Variants in DDIAS observed in about 807,000 individuals in gnomAD.
DDIAS encodes the protein DNA damage induced apoptosis suppressor.
In DDIAS, 14 loss-of-function variants were observed where a neutral mutation model predicts 15.7. The observed-to-expected ratio is 0.89, with a 90% confidence interval of 0.59 to 1.39. DDIAS has a LOEUF of 1.39. Ranked by LOEUF, DDIAS falls within the 40% of genes most tolerant of loss-of-function variation. The probability of loss-of-function intolerance (pLI) is 0.00; values close to 1 mark genes in which losing one functional copy is unlikely to be tolerated. For synonymous variants in DDIAS, 355 were observed against 395.9 expected (o/e 0.90, Z 1.23); for missense variants, 1,035 against 1,130.9 (o/e 0.92, Z 1.22).
intron 1 of DDIAS, among the ~76,000 whole-genome samples, chr11:82,911,987 G>C (rs568817021): frequency 2.6e-4 from 40 of 152,252 alleles, no homozygotes; most frequent in Non-Finnish European, 4.4e-4. Flanking sequence ...CTGAGCAGTA[G>C]GTCTCAACAG....
chr11:82,907,889 C>G (rs566971034), intron 1 of DDIAS, among the ~76,000 whole-genome samples: 2 of 152,188 alleles, frequency 1.3e-5, no homozygotes, highest in East Asian at 1.9e-4. Context: ...GAGCACTGTT[C>G]TAAGCACTGG....
At chr11:82,914,282 A>C in intron 2 of DDIAS, 1 of 200,648 alleles carries the variant, frequency 5.0e-6, no homozygotes. Context: ...TGTGTTAAGT[A>C]CTTATGTGTG....
Position 82,914,784 on chromosome 11 carries a change from C to T in DDIAS, c.46C>T (p.Gln16Ter), listed in dbSNP as rs779312498. Reference protein sequence around the residue: ...KFLLASVLALQNSSFIYPSCQ... With the variant: ...KFLLASVLAL ...TCTTCTAGCCTCAGTACTTGCTCTC[C>T]AGAATTCAAGTTTTATATATCCATC... Residue 16 changes from glutamine to a stop codon, truncating the protein, a stop_gained, in exon 3 of 6, where the codon CAG becomes TAG. Coordinates refer to ENST00000533655, the MANE Select transcript of DDIAS (RefSeq NM_145018.4). LOFTEE classifies it high-confidence loss of function. 1.9e-6 allele frequency: 3 copies of T among 1,611,622 alleles called. No individual in the cohort carries two copies. Among genetic ancestry groups the T allele is most frequent in the Non-Finnish European group, 2.5e-6 (3 of 1,178,006 alleles).
chr11:82,928,217 G>T (rs1269075170), intron 3 of DDIAS, among the ~76,000 whole-genome samples: 1 of 22,994 alleles, frequency 4.3e-5, no homozygotes, highest in African/African-American at 1.2e-4. Context: ...TTTTTTTTTT[G>T]AGACGGAATG....
In DDIAS at chr11:82,933,835, A is replaced by G. The variant is rs754090605; in HGVS notation, c.2497A>G (p.Lys833Glu). 1 of 1,613,998 alleles carries G rather than the reference A, an allele frequency of 6.2e-7. No homozygotes were observed. Among genetic ancestry groups the G allele is most frequent in the Admixed American group, 1.7e-5 (1 of 59,970 alleles). ...AAAAAATATAAAAACACCTAGCCAG[A>G]AAATCAGAAGCCCTATTGTATCTGG... ...CPKNIKTPSQ[K>E]IRSPIVSGVS... The change falls in exon 6 of 6, where the codon AAA (lysine) becomes GAA (glutamate). Residue 833 changes from lysine to glutamate, a missense_variant. By Grantham distance (56) the Lys-to-Glu change is moderately conservative. Coordinates refer to ENST00000533655, the MANE Select transcript of DDIAS (RefSeq NM_145018.4).
intron 4 of DDIAS, among the ~76,000 whole-genome samples, chr11:82,929,861 T>C (rs573443817): frequency 2.0e-5 from 3 of 152,302 alleles, no homozygotes; most frequent in African/African-American, 7.2e-5. Flanking sequence ...TGCTTTCAAG[T>C]GAAGAGCTAG....
Position 82,932,882 on chromosome 11 carries a change from A to C in DDIAS, c.1544A>C (p.Asn515Thr). ...GTTGAAAAGGAGTCACAACCAGATA[A>C]CAAAGTAGAGGCTGTCTCTGTAAAT... The part of the protein sequence containing the change: ...PSVEKESQPD[N>T]KVEAVSVNHN... Residue 515 changes from asparagine to threonine, a missense_variant, in exon 6 of 6, where the codon AAC (asparagine) becomes ACC (threonine). Transcript: ENST00000533655. 1 of 1,613,262 alleles carries C rather than the reference A, an allele frequency of 6.2e-7. No individual in the cohort carries two copies. The highest frequency in any genetic ancestry group is 8.5e-7 in the Non-Finnish European group (1 of 1,179,774).
At chr11:82,907,614 A>G (rs1028791879) in intron 1 of DDIAS, among the ~76,000 whole-genome samples, 1 of 152,214 alleles carries the variant, frequency 6.6e-6, no homozygotes, top group African/African-American at 2.4e-5. Flanking sequence ...AATACCGCGC[A>G]CTGCAGCCTC....
At chr11:82,928,550 G>T (rs545836793) in intron 3 of DDIAS, among the ~76,000 whole-genome samples, 1 of 151,970 alleles carries the variant, frequency 6.6e-6, no homozygotes, top group Non-Finnish European at 1.5e-5. Flanking sequence ...CATCAATTTG[G>T]TATGTATTTC....
intron 1 of DDIAS, among the ~76,000 whole-genome samples, chr11:82,911,668 G>T (rs1860532690): frequency 6.6e-6 from 1 of 152,308 alleles, no homozygotes; most frequent in South Asian, 2.1e-4. Context: ...TGGATATTTT[G>T]ACTTCCTCCC....
At chr11:82,918,334 A>T (rs1007142930) in intron 3 of DDIAS, among the ~76,000 whole-genome samples, 44 of 152,290 alleles carry the variant, frequency 2.9e-4, no homozygotes, top group African/African-American at 1.1e-3. Context: ...CCATTTGTTG[A>T]AAAGGGTGTC....
rs201088014 is a variant in DDIAS at position 82,933,236 on chromosome 11, A to G, written c.1898A>G (p.Tyr633Cys). ...DSFTICRKLTYPLETLCNSPN... is the reference protein window; with the variant it reads ...DSFTICRKLTCPLETLCNSPN... ...TTTACAATTTGCAGGAAACTTACAT[A>G]TCCTTTAGAAACTCTTTGCAATAGT... Residue 633 changes from tyrosine to cysteine, a missense_variant, in exon 6 of 6, where the codon TAT (tyrosine) becomes TGT (cysteine). Transcript: ENST00000533655. 1.2e-6 allele frequency: 2 copies of G among 1,612,290 alleles called. No individual in the cohort carries two copies. The highest frequency in any genetic ancestry group is 1.7e-6 in the Non-Finnish European group (2 of 1,179,618).
intron 3 of DDIAS, among the ~76,000 whole-genome samples, chr11:82,922,217 C>T (rs1412165510): frequency 6.6e-6 from 1 of 152,144 alleles, no homozygotes; most frequent in African/African-American, 2.4e-5. Context: ...ATGAATTTCC[C>T]AGATGCTCTT....
intron 4 of DDIAS, among the ~76,000 whole-genome samples, chr11:82,929,751 TC>T (rs1197513890): frequency 6.7e-6 from 1 of 149,574 alleles, no homozygotes; most frequent in Non-Finnish European, 1.5e-5. Context: ...TCTGCCCTCC[TC>T]CCCTAATCAC....
Position 82,933,230 on chromosome 11 carries a change from T to C in DDIAS, c.1892T>C (p.Leu631Pro). The C allele has an allele frequency of 1.2e-6, 2 of 1,611,748 alleles. No individual in the cohort carries two copies. The highest frequency in any genetic ancestry group is 1.7e-6 in the Non-Finnish European group (2 of 1,179,472). Residue 631 changes from leucine to proline, a missense_variant, in exon 6 of 6, where the codon CTT (leucine) becomes CCT (proline). Coordinates refer to ENST00000533655, the MANE Select transcript of DDIAS (RefSeq NM_145018.4). ...QDDSFTICRK[L>P]TYPLETLCNS... is the part of the protein sequence containing the mutation. ...GACAGTTTTACAATTTGCAGGAAAC[T>C]TACATATCCTTTAGAAACTCTTTGC... is the stretch of plus-strand genomic sequence containing the variant.
At chr11:82,913,091 G>C (rs948769796) in intron 1 of DDIAS, among the ~76,000 whole-genome samples, 196 bp from the exon 2 acceptor site, 3 of 152,128 alleles carry the variant, frequency 2.0e-5, no homozygotes, top group Admixed American at 6.5e-5. Flanking sequence ...AATATTGTGA[G>C]AATTACCAAA....
At chr11:82,916,031 A>G (rs1027245356) in intron 3 of DDIAS, among the ~76,000 whole-genome samples, 3 of 152,232 alleles carry the variant, frequency 2.0e-5, no homozygotes, top group Non-Finnish European at 2.9e-5. Flanking sequence ...CCAAGAACCT[A>G]TCACTAACAT....
In DDIAS at chr11:82,934,300, A is replaced by T. The variant is rs746849721; in HGVS notation, c.2962A>T (p.Thr988Ser). The T allele has an allele frequency of 6.2e-7, 1 of 1,601,500 alleles. No homozygotes were observed. Among genetic ancestry groups the T allele is most frequent in the Non-Finnish European group, 8.5e-7 (1 of 1,176,330 alleles). ...AAAAGGCCCACCTTCAGTGTGTGAA[A>T]CTCGAAGTGCTTGGTCACCTGAATT... ...SEKGPPSVCE[T>S]RSAWSPELFS Residue 988 changes from threonine (T) to serine (S), a missense_variant, in exon 6 of 6, where the codon ACT becomes TCT. By Grantham distance (58) the Thr-to-Ser change is moderately conservative (BLOSUM62 1). Transcript: ENST00000533655.
chr11:82,924,505 T>C (rs915356916), intron 3 of DDIAS, among the ~76,000 whole-genome samples: 1 of 152,120 alleles, frequency 6.6e-6, no homozygotes, highest in African/African-American at 2.4e-5. Flanking sequence ...GGGCTAAATA[T>C]AAGTACGCTA....
Sources: allele counts gnomAD v4.1 joint callset (sites outside exome capture counted in the v4.1 genomes callset), GRCh38; gene constraint gnomAD v4.1.1; transcripts MANE v1.5; gene names NCBI Gene and HGNC (gene_info 2026-07-23, HGNC 2026-07-21).